The following NECTIN2 variants were observed in gnomAD, a reference collection of about 807,000 sequenced individuals.
NECTIN2 encodes nectin cell adhesion molecule 2, also known as nectin-2.
Under a neutral mutation model 56.9 loss-of-function variants are expected in NECTIN2, and 23 were observed. That is an observed-to-expected ratio of 0.40 (90% CI 0.29 to 0.57). The LOEUF (loss-of-function observed/expected upper bound fraction) is 0.57. Among genes scored for constraint, NECTIN2 ranks in the 20% least tolerant of loss-of-function variants. The pLI, the probability that NECTIN2 is intolerant of heterozygous loss-of-function variation, is 0.38. For missense variants in NECTIN2, 587 were observed against 718.3 expected (o/e 0.82, Z 2.09); for synonymous variants, 302 against 313.8 (o/e 0.96, Z 0.40).
At chr19:44,872,548 A>C (rs892309192) in intron 3 of NECTIN2, among the ~76,000 whole-genome samples, 3 of 152,008 alleles carry the variant, frequency 2.0e-5, no homozygotes, top group Non-Finnish European at 2.9e-5. Flanking sequence ...TTGGTTTACC[A>C]GCAAAGAGCT....
intron 1 of NECTIN2, among the ~76,000 whole-genome samples, chr19:44,850,343 C>T (rs905927942): frequency 6.6e-6 from 1 of 152,018 alleles, no homozygotes; most frequent in Non-Finnish European, 1.5e-5. Flanking sequence ...AGCAGGGATA[C>T]CATTAAAAGA....
chr19:44,878,105 C>G (rs1016151607), intron 5 of NECTIN2: 2 of 597,748 alleles, frequency 3.3e-6, no homozygotes, highest in Admixed American at 6.0e-5. Flanking sequence ...TGGTCACTCC[C>G]GCTCCCTCCA....
intron 1 of NECTIN2, among the ~76,000 whole-genome samples, chr19:44,852,590 G>A (rs1402047943): frequency 2.0e-5 from 3 of 151,626 alleles, no homozygotes; most frequent in Non-Finnish European, 4.4e-5. Flanking sequence ...AGAGGAGGGC[G>A]TGTTCTGCAC....
chr19:44,860,135 C>T (rs12610257), intron 1 of NECTIN2, among the ~76,000 whole-genome samples: 22,470 of 152,164 alleles, frequency 0.15, 2,185 homozygotes, highest in East Asian at 0.46. Flanking sequence ...CATGAAATGT[C>T]CAGAACAGGC....
chr19:44,886,356 TTGAGA>T, intron 8 of NECTIN2, 137 bp downstream of exon 8: 1 of 663,504 alleles, frequency 1.5e-6, no homozygotes, highest in Non-Finnish European at 2.6e-6. Flanking sequence ...GCTTAATGCA[TTGAGA>T]TGTGTTCAGG....
chr19:44,878,430 A>G, intron 5 of NECTIN2: 2 of 1,585,042 alleles, frequency 1.3e-6, no homozygotes, highest in South Asian at 2.3e-5. Context: ...GTGTTGGGAA[A>G]TGGGGACCCC....
chr19:44,871,707 A>T, intron 2 of NECTIN2, 146 bp from the exon 3 acceptor site: 1 of 881,444 alleles, frequency 1.1e-6, no homozygotes, highest in Non-Finnish European at 1.7e-6. Context: ...TTGCAAAACC[A>T]CTTATCCCAA....
At chr19:44,885,858 G>A in intron 6 of NECTIN2, 79 bp from the exon 7 acceptor site, 2 of 1,197,512 alleles carry the variant, frequency 1.7e-6, no homozygotes, top group Non-Finnish European at 2.5e-6. Context: ...CAGGTAGAGG[G>A]AACAGCATGT....
At chr19:44,885,902 C>G in intron 6 of NECTIN2, 35 bp from the exon 7 acceptor site, 1 of 1,519,826 alleles carries the variant, frequency 6.6e-7, no homozygotes, top group South Asian at 1.1e-5. Context: ...ATGCCTGGGT[C>G]TTAATCTCCA....
intron 2 of NECTIN2, among the ~76,000 whole-genome samples, chr19:44,867,995 C>A (rs1311765355): frequency 6.6e-6 from 1 of 151,790 alleles, no homozygotes; most frequent in African/African-American, 2.4e-5. Context: ...GGGAAGCGGG[C>A]GGCATATAGT....
At chr19:44,850,183 C>A (rs1033030184) in intron 1 of NECTIN2, among the ~76,000 whole-genome samples, 2 of 152,012 alleles carry the variant, frequency 1.3e-5, no homozygotes, top group African/African-American at 2.4e-5. Context: ...GGCCACAGAG[C>A]AAGACCCTGT....
At chr19:44,866,213 C>T (rs1044705865) in intron 2 of NECTIN2, among the ~76,000 whole-genome samples, 5 of 150,938 alleles carry the variant, frequency 3.3e-5, no homozygotes, top group Non-Finnish European at 7.4e-5. Flanking sequence ...TGGTGGCTCA[C>T]GACTATAATC....
chr19:44,857,997 A>G (rs1388670751), intron 1 of NECTIN2, among the ~76,000 whole-genome samples: 1 of 152,226 alleles, frequency 6.6e-6, no homozygotes, highest in East Asian at 1.9e-4. Flanking sequence ...TTGTATCACA[A>G]ATTCCAGGAA....
chr19:44,853,213 T>A (rs1968921466), intron 1 of NECTIN2, among the ~76,000 whole-genome samples: 1 of 152,124 alleles, frequency 6.6e-6, no homozygotes, highest in Non-Finnish European at 1.5e-5. Flanking sequence ...GATTTTTTTT[T>A]TCAGACGGAG....
At chr19:44,879,428 G>A (rs1161534811) in intron 5 of NECTIN2, among the ~76,000 whole-genome samples, 10 of 152,084 alleles carry the variant, frequency 6.6e-5, no homozygotes, top group African/African-American at 2.4e-4. Flanking sequence ...GGGAGGGGAG[G>A]GCTGCTCCCC....
Position 44,846,426 on chromosome 19 carries a change from G to A in NECTIN2, c.-100G>A. The A allele has an allele frequency of 1.5e-6, 2 of 1,352,676 alleles. No individual in the cohort carries two copies. The highest frequency in any genetic ancestry group is 3.1e-5 in the African/African-American group (2 of 64,536). 83.8% of individuals were successfully genotyped at this position (1,352,676 alleles called of 1,614,324 possible). A position where few individuals can be genotyped will look rare whatever the true frequency, so the allele number is the denominator to read the frequency against. ...CAGCGGGAACCGGCCCGGAGCCGGAGCCGGAGCCCCACAGGCACCTACTAA... is the reference window on the plus strand; with the variant it reads ...CAGCGGGAACCGGCCCGGAGCCGGAACCGGAGCCCCACAGGCACCTACTAA... On this transcript the variant is annotated 5_prime_UTR_variant, in exon 1 of 9. Transcript: ENST00000252483.
chr19:44,870,634 T>G (rs1036849641), intron 2 of NECTIN2, among the ~76,000 whole-genome samples: 1 of 151,882 alleles, frequency 6.6e-6, no homozygotes, highest in African/African-American at 2.4e-5. Flanking sequence ...CATCTAATGG[T>G]GATTACAGGA....
Position 44,846,487 on chromosome 19 carries a change from C to T in NECTIN2, c.-39C>T. 7.0e-7 allele frequency: 1 copy of T among 1,423,872 alleles called. No individual in the cohort carries two copies. The highest frequency in any genetic ancestry group is 9.1e-7 in the Non-Finnish European group (1 of 1,099,296). 88.2% of individuals were successfully genotyped at this position (1,423,872 alleles called of 1,614,324 possible). A position where few individuals can be genotyped will look rare whatever the true frequency, so the allele number is the denominator to read the frequency against. ...CGATCGGCCCCCACAGAGTGGCCCG[C>T]GGGCCTCCGGCCGGGCCCAGTCCCC... is the stretch of plus-strand genomic sequence containing the variant. On this transcript the variant is annotated 5_prime_UTR_variant, in exon 1 of 9. Coordinates refer to ENST00000252483, the MANE Select transcript of NECTIN2 (RefSeq NM_001042724.2).
At chr19:44,850,230 G>T (rs1047601476) in intron 1 of NECTIN2, among the ~76,000 whole-genome samples, 32 of 152,020 alleles carry the variant, frequency 2.1e-4, no homozygotes, top group Non-Finnish European at 4.4e-5. Flanking sequence ...CCCCAAGAGA[G>T]ACCCTGGGAA....
Sources: gnomAD v4.1 joint callset for allele counts (sites outside exome capture counted in the v4.1 genomes callset) on GRCh38, gnomAD v4.1.1 for gene constraint, MANE v1.5 for transcripts, NCBI Gene and HGNC (gene_info 2026-07-23, HGNC 2026-07-21) for gene names.